The following C4orf51 variants were observed in gnomAD, a reference collection of about 807,000 sequenced individuals.
The protein encoded by C4orf51 is chromosome 4 open reading frame 51.
In C4orf51, 25 loss-of-function variants were observed where a neutral mutation model predicts 25.2. The ratio of observed to expected loss-of-function variants is 0.99; its 90% CI spans 0.72 to 1.39. The LOEUF is 1.39. Among genes scored for constraint, C4orf51 ranks in the 40% most tolerant of loss-of-function variants. The probability of loss-of-function intolerance (pLI) is 0.00; values close to 1 mark genes in which losing one functional copy is unlikely to be tolerated. For synonymous variants in C4orf51, 100 were observed against 84.5 expected, an observed-to-expected ratio of 1.18 and a Z score of -1.01; for missense variants, 252 against 239.6, an observed-to-expected ratio of 1.05 and a Z score of -0.34.
chr4:145,770,347 T>TAAATAAAA (rs1736080402), intron 1 of C4orf51, among the ~76,000 whole-genome samples: 5 of 53,728 alleles, frequency 9.3e-5, no homozygotes, highest in South Asian at 5.0e-4. Flanking sequence ...AATAAATAAA[T>TAAATAAAA]AAAATAGATC....
chr4:145,750,206 C>T (rs558849396), intron 1 of C4orf51, among the ~76,000 whole-genome samples: 67 of 152,006 alleles, frequency 4.4e-4, no homozygotes, highest in African/African-American at 1.4e-3. Context: ...TGTGTATTTA[C>T]ATTACCAGTG....
At chr4:145,688,234 G>A (rs927680550) in intron 1 of C4orf51, among the ~76,000 whole-genome samples, 3 of 143,646 alleles carry the variant, frequency 2.1e-5, no homozygotes, top group African/African-American at 7.7e-5. Context: ...CCTACAACAT[G>A]GCTAAAATAG....
intron 2 of C4orf51, among the ~76,000 whole-genome samples, chr4:145,704,938 A>G (rs1024560031): frequency 1.4e-4 from 22 of 152,358 alleles, no homozygotes; most frequent in African/African-American, 5.3e-4. Flanking sequence ...TAAAGCAGGC[A>G]ACTTGAGAGA....
Position 145,761,465 on chromosome 4 carries a change from T to C in C4orf51, n.167-9523T>C. 7.8e-7 allele frequency: 1 copy of C among 1,289,704 alleles called. No homozygotes were observed. The allele number at this position is 1,289,704 out of a possible 1,614,324, so 79.9% of individuals were successfully genotyped here. On this transcript the variant is annotated intron_variant and non_coding_transcript_variant, in intron 1 of 1. Transcript: ENST00000510096. This position sits in a 1 kb window ranked among gnomAD's most constrained non-coding sequence, Gnocchi z 6.8. ...TGGTTGCCCAGGCGGTGCTCCCGGG[T>C]GTGCGTCTCCAGCTCCAGCTGGTTG...
rs182420353 is a variant in C4orf51, at chr4:145,719,561, C to A, written c.308-7350C>A. Among the ~76,000 whole-genome samples, 1,124 of 142,930 alleles carry A rather than the reference C, an allele frequency of 7.9e-3. 19 individuals are homozygous for A. The highest frequency in any genetic ancestry group is 0.028 in the African/African-American group (1,054 of 37,640). The allele number at this position is 142,930 out of a possible 152,430, so 93.8% of individuals were successfully genotyped here. ...CAGAGATTGCGCCACTGCACTCCAG[C>A]CTGGGCAACAGAGTGAGACTCTGTC... On this transcript the variant is annotated intron_variant, in intron 2 of 5. Coordinates refer to ENST00000438731, the MANE Select transcript of C4orf51 (RefSeq NM_001080531.3).
At chr4:145,708,471 G>A (rs943610161) in intron 2 of C4orf51, among the ~76,000 whole-genome samples, 7 of 152,158 alleles carry the variant, frequency 4.6e-5, no homozygotes, top group East Asian at 1.9e-4. Context: ...AAGTAAAAAC[G>A]AGGTGTCCCC....
chr4:145,775,774 C>T (rs375635922), downstream of C4orf51: 139 of 1,614,002 alleles, frequency 8.6e-5, no homozygotes, highest in Middle Eastern at 1.2e-3. Context: ...CTAGCATGTT[C>T]CATCTGCAAC....
chr4:145,750,080 T>C (rs1395197421), intron 1 of C4orf51, among the ~76,000 whole-genome samples: 1 of 152,224 alleles, frequency 6.6e-6, no homozygotes, highest in Admixed American at 6.5e-5. Flanking sequence ...TTCTATATTA[T>C]CTATGTCTTG....
At chr4:145,754,366 C>T (rs928447909), downstream of C4orf51, 1 of 152,122 alleles carries the variant, frequency 6.6e-6, no homozygotes, top group African/African-American at 2.4e-5. Context: ...CTATAAGAAA[C>T]CATTTACTCT....
intron 2 of C4orf51, among the ~76,000 whole-genome samples, chr4:145,706,312 CTG>C (rs1730808828): frequency 6.6e-6 from 1 of 152,084 alleles, no homozygotes; most frequent in East Asian, 1.9e-4. Context: ...TTTAATGAAA[CTG>C]TGTTCCATAA....
downstream of C4orf51, among the ~76,000 whole-genome samples, chr4:145,754,795 A>G (rs771905386): frequency 9.9e-5 from 15 of 152,194 alleles, no homozygotes; most frequent in Non-Finnish European, 1.6e-4. Flanking sequence ...AATTAGCTGG[A>G]TATGGTGGCA....
At chr4:145,786,089 A>G in the C4orf51 span, among the ~76,000 whole-genome samples, 1 of 152,238 alleles carries the variant, frequency 6.6e-6, no homozygotes, top group African/African-American at 2.4e-5. Context: ...TGAACCTTTC[A>G]TTGCCATTTG....
At chr4:145,685,903 T>C (rs1729126700) in intron 1 of C4orf51, among the ~76,000 whole-genome samples, 1 of 152,030 alleles carries the variant, frequency 6.6e-6, no homozygotes, top group African/African-American at 2.4e-5. Flanking sequence ...ATATAACCCA[T>C]GAGTAAAAAT....
chr4:145,681,502 C>A (rs1728836430), intron 1 of C4orf51, among the ~76,000 whole-genome samples: 1 of 152,148 alleles, frequency 6.6e-6, no homozygotes. Flanking sequence ...CTTTGGACAT[C>A]CCTTTGCTAC....
At position 145,762,835 on chromosome 4, in the gene C4orf51, C is replaced by T. The variant is rs1461920781; in HGVS notation, n.167-8153C>T. Among the ~76,000 whole-genome samples, 2 of 152,220 alleles carry T rather than the reference C, an allele frequency of 1.3e-5. No individual in the cohort carries two copies. The highest frequency in any genetic ancestry group is 2.9e-5 in the Non-Finnish European group (2 of 68,034). ...GTTTGCTCTCTTTCCACAAAGAATG[C>T]AGATGCAAAAGTGGCTGCCTCAGCT... On this transcript the variant is annotated intron_variant and non_coding_transcript_variant, in intron 1 of 1. Transcript: ENST00000510096. This position sits in a 1 kb window ranked among gnomAD's most constrained non-coding sequence, Gnocchi z 4.9.
At chr4:145,764,806 C>A (rs1278906053) in intron 1 of C4orf51, 5 of 757,652 alleles carry the variant, frequency 6.6e-6, no homozygotes, top group African/African-American at 3.5e-5. Flanking sequence ...TCTGTTGACA[C>A]CCTAGGGGGA....
chr4:145,729,501 C>G (rs921942603), intron 4 of C4orf51, among the ~76,000 whole-genome samples: 1 of 151,960 alleles, frequency 6.6e-6, no homozygotes, highest in Admixed American at 6.5e-5. Context: ...CGGGGTTTCA[C>G]CGTGTTAGCC....
At position 145,696,623 on chromosome 4, in the gene C4orf51, G is replaced by C; in HGVS notation, c.298G>C (p.Asp100His). 1 of 1,612,940 alleles carries C rather than the reference G, an allele frequency of 6.2e-7. No homozygotes were observed. The highest frequency in any genetic ancestry group is 8.5e-7 in the Non-Finnish European group (1 of 1,179,162). The change falls in exon 2 of 6, where the codon GAT becomes CAT. Residue 100 changes from aspartate (D) to histidine (H), a missense_variant. Coordinates refer to ENST00000438731, the MANE Select transcript of C4orf51 (RefSeq NM_001080531.3). ...LCWAGTQETTDIKGLFPDITR... is the reference protein window; with the variant it reads ...LCWAGTQETTHIKGLFPDITR... ...CTGGGCTGGTACCCAAGAGACTACAGATATCAAAGGTAAGTGCAACATGAT... is the reference window on the plus strand; with the variant it reads ...CTGGGCTGGTACCCAAGAGACTACACATATCAAAGGTAAGTGCAACATGAT...
Position 145,761,816 on chromosome 4 carries a change from G to T in C4orf51, n.167-9172G>T, listed in dbSNP as rs1734549739. On this transcript the variant is annotated intron_variant and non_coding_transcript_variant, in intron 1 of 1. Coordinates refer to the C4orf51 transcript ENST00000510096. The surrounding 1 kb of genome is among the most constrained non-coding windows in gnomAD (Gnocchi z 6.8). ...CCCGCTGACAAGCAGCTCTGGCAAG[G>T]TCCGCTCAGCCTATTCTGGGTCTCT... is the stretch of plus-strand genomic sequence containing the variant. 6.6e-6 allele frequency among the ~76,000 whole-genome samples: 1 copy of T among 152,292 alleles called. No individual in the cohort carries two copies.
Sources: gnomAD v4.1 joint callset for allele counts (sites outside exome capture counted in the v4.1 genomes callset) on GRCh38, gnomAD v4.1.1 for gene constraint, Gnocchi (gnomAD v3.1) non-coding constraint, MANE v1.5 for transcripts, NCBI Gene and HGNC (gene_info 2026-07-23, HGNC 2026-07-21) for gene names.